Variants in CSMD3 observed in about 807,000 individuals in gnomAD.
The protein encoded by CSMD3 is CUB and sushi domain-containing protein 3.
CSMD3 carries 177 observed loss-of-function variants against 435.2 expected under a neutral mutation model. That is an observed-to-expected ratio of 0.41 (90% CI 0.36 to 0.46). CSMD3 has a LOEUF of 0.46. CSMD3 is among the 20% of genes least tolerant of loss of function. The probability of loss-of-function intolerance (pLI) is 0.34; values close to 1 mark genes in which losing one functional copy is unlikely to be tolerated. For synonymous variants in CSMD3, 1,656 were observed against 1,520.5 expected (o/e 1.09, Z -2.07); for missense variants, 4,265 against 4,504.6 (o/e 0.95, Z 1.52).
chr8:112,472,027 C>T (rs1818569367), intron 32 of CSMD3, among the ~76,000 whole-genome samples: 1 of 152,164 alleles, frequency 6.6e-6, no homozygotes, highest in Non-Finnish European at 1.5e-5. Flanking sequence ...GCAAAGGACA[C>T]ATTGTCTTCT....
At chr8:113,397,857 T>G (rs1356261482) in intron 1 of CSMD3, among the ~76,000 whole-genome samples, 8 of 146,580 alleles carry the variant, frequency 5.5e-5, no homozygotes, top group African/African-American at 2.1e-4. Flanking sequence ...AATAAATAAA[T>G]AAATAAATAA....
chr8:112,773,580 G>T (rs897160592), intron 13 of CSMD3, among the ~76,000 whole-genome samples: 14 of 151,958 alleles, frequency 9.2e-5, no homozygotes, highest in Admixed American at 8.5e-4. Flanking sequence ...GAAACTTAAG[G>T]AAGTAAGAGT....
intron 4 of CSMD3, among the ~76,000 whole-genome samples, chr8:113,139,835 G>C (rs1412057050): frequency 1.3e-5 from 2 of 151,034 alleles, no homozygotes; most frequent in Non-Finnish European, 3.0e-5. Context: ...TAACAATATA[G>C]CCATATTAAC....
At chr8:112,642,247 C>T (rs146799508) in intron 20 of CSMD3, among the ~76,000 whole-genome samples, 1 of 152,058 alleles carries the variant, frequency 6.6e-6, no homozygotes, top group Admixed American at 6.6e-5. Flanking sequence ...TAAGGACAGT[C>T]CAACTTCTAA....
chr8:112,828,535 C>A (rs192454734), intron 12 of CSMD3, among the ~76,000 whole-genome samples: 3 of 152,122 alleles, frequency 2.0e-5, no homozygotes, highest in Non-Finnish European at 4.4e-5. Flanking sequence ...TTGCTTTCGG[C>A]CACCATTGTA....
intron 1 of CSMD3, among the ~76,000 whole-genome samples, chr8:113,378,429 A>G (rs191309331): frequency 4.1e-4 from 63 of 152,304 alleles, no homozygotes; most frequent in Non-Finnish European, 6.5e-4. Context: ...TTATATAAGT[A>G]AACATTTTAA....
In CSMD3 at chr8:112,690,066, A is replaced by G. The variant is rs1237502953; in HGVS notation, c.1973-16T>C. 12 of 1,607,976 alleles carry G rather than the reference A, an allele frequency of 7.5e-6. No homozygotes were observed. Among genetic ancestry groups the G allele is most frequent in the Non-Finnish European group, 1.0e-5 (12 of 1,174,826 alleles). On this transcript the variant is annotated splice_polypyrimidine_tract_variant and intron_variant, in intron 13 of 70. Transcript: ENST00000297405. ...TTCTCAATTTCTGGAAAAATAGAAG[A>G]TAAAAGTCACCTTCCAAGGGTTGCA... is the stretch of plus-strand genomic sequence containing the variant.
At chr8:113,132,422 C>T (rs1050030684) in intron 4 of CSMD3, among the ~76,000 whole-genome samples, 5 of 152,096 alleles carry the variant, frequency 3.3e-5, no homozygotes, top group African/African-American at 1.2e-4. Context: ...CAGGTTTCCC[C>T]CTTGCTGTTG....
intron 5 of CSMD3, among the ~76,000 whole-genome samples, chr8:113,091,722 C>CAA (rs138105242): frequency 1.5e-4 from 22 of 151,318 alleles, no homozygotes; most frequent in South Asian, 6.2e-4. Flanking sequence ...TTAATCTTTT[C>CAA]AAAAAAACAA....
chr8:112,496,584 A>G (rs1462023808), intron 30 of CSMD3, among the ~76,000 whole-genome samples: 1 of 152,214 alleles, frequency 6.6e-6, no homozygotes, highest in Non-Finnish European at 1.5e-5. Flanking sequence ...AATGCATAAA[A>G]AAAAGTGGCA....
At chr8:113,037,846 T>C (rs1315106687) in intron 5 of CSMD3, among the ~76,000 whole-genome samples, 1 of 152,096 alleles carries the variant, frequency 6.6e-6, no homozygotes, top group Non-Finnish European at 1.5e-5. Context: ...TCCAGTCAAA[T>C]CTGTAAGCAC....
intron 10 of CSMD3, among the ~76,000 whole-genome samples, chr8:112,911,664 T>A (rs1311618469): frequency 7.2e-6 from 1 of 138,956 alleles, no homozygotes; most frequent in Non-Finnish European, 1.5e-5. Context: ...TGTGTGTGTG[T>A]GTGTATTTAT....
chr8:112,536,390 A>G (rs535850002), intron 27 of CSMD3, among the ~76,000 whole-genome samples: 3 of 152,358 alleles, frequency 2.0e-5, no homozygotes, highest in South Asian at 4.1e-4. Flanking sequence ...TCAAAAGAGG[A>G]CACTTATGCA....
intron 27 of CSMD3, among the ~76,000 whole-genome samples, chr8:112,524,330 T>C (rs1824628225): frequency 6.6e-6 from 1 of 151,550 alleles, no homozygotes; most frequent in African/African-American, 2.4e-5. Flanking sequence ...TGACCAGTAT[T>C]AGTAAGTAAA....
chr8:113,072,575 TATTCTC>T (rs1730452432), intron 5 of CSMD3, among the ~76,000 whole-genome samples: 2 of 151,852 alleles, frequency 1.3e-5, no homozygotes, highest in Admixed American at 6.6e-5. Context: ...TTCCAACAGT[TATTCTC>T]AGTCTCGCTT....
At chr8:112,312,952 T>C (rs1483119063) in intron 49 of CSMD3, among the ~76,000 whole-genome samples, 1 of 152,152 alleles carries the variant, frequency 6.6e-6, no homozygotes, top group African/African-American at 2.4e-5. Flanking sequence ...TTGGGAAGCA[T>C]GGTGTGAACA....
At chr8:113,267,801 T>C (rs1030339638) in intron 3 of CSMD3, among the ~76,000 whole-genome samples, 7 of 151,840 alleles carry the variant, frequency 4.6e-5, no homozygotes, top group Admixed American at 2.6e-4. Flanking sequence ...ACGTATCTCA[T>C]GAATTTGCAC....
At chr8:112,536,769 C>T (rs1199887444) in intron 27 of CSMD3, among the ~76,000 whole-genome samples, 9 of 150,734 alleles carry the variant, frequency 6.0e-5, no homozygotes, top group Non-Finnish European at 1.5e-5. Flanking sequence ...GGAACCAACC[C>T]AAATGTCCAT....
At chr8:113,031,663 G>C (rs748765185) in intron 5 of CSMD3, among the ~76,000 whole-genome samples, 16 of 151,606 alleles carry the variant, frequency 1.1e-4, no homozygotes, top group Non-Finnish European at 2.2e-4. Context: ...TGCAAAATTG[G>C]TGAAATCTGA....
Sources: allele counts gnomAD v4.1 joint callset (sites outside exome capture counted in the v4.1 genomes callset), GRCh38; gene constraint gnomAD v4.1.1; transcripts MANE v1.5; gene names NCBI Gene and HGNC (gene_info 2026-07-23, HGNC 2026-07-21).